Variants in PSD3 observed in about 807,000 individuals in gnomAD.
PSD3 encodes pleckstrin and Sec7 domain containing 3, also known as PH and SEC7 domain-containing protein 3.
PSD3 carries 49 observed loss-of-function variants against 105.5 expected under a neutral mutation model. That is an observed-to-expected ratio of 0.46 (90% CI 0.37 to 0.59). The LOEUF (loss-of-function observed/expected upper bound fraction) is 0.59, where lower values mean the gene tolerates loss of function less well. Among genes scored for constraint, PSD3 ranks in the 20% least tolerant of loss-of-function variants. The pLI, the probability that PSD3 is intolerant of heterozygous loss-of-function variation, is 0.00. For missense variants in PSD3, 1,561 were observed against 1,263.8 expected (o/e 1.24, Z -3.57); for synonymous variants, 557 against 457.8 (o/e 1.22, Z -2.77).
intron 11 of PSD3, among the ~76,000 whole-genome samples, chr8:18,631,903 T>G (rs1331520811): frequency 6.6e-6 from 1 of 152,016 alleles, no homozygotes. Flanking sequence ...TGAGCAAACA[T>G]GTCACCTTAT....
intron 4 of PSD3, among the ~76,000 whole-genome samples, chr8:18,841,467 AACACACAC>A (rs35771611): frequency 2.6e-4 from 38 of 148,240 alleles, no homozygotes; most frequent in South Asian, 1.3e-3. Context: ...CTGCTATTTA[AACACACAC>A]ACACACACAC....
intron 8 of PSD3, among the ~76,000 whole-genome samples, chr8:18,771,036 A>T (rs996388716): frequency 6.6e-6 from 1 of 152,204 alleles, no homozygotes; most frequent in Non-Finnish European, 1.5e-5. Context: ...TCTTCTCAGA[A>T]GTTATGCTGT....
At chr8:18,838,923 T>G (rs191072585) in intron 4 of PSD3, among the ~76,000 whole-genome samples, 1 of 151,616 alleles carries the variant, frequency 6.6e-6, no homozygotes, top group Non-Finnish European at 1.5e-5. Flanking sequence ...TGCCACTAGG[T>G]CTTATTTGTT....
At chr8:18,668,743 T>C (rs1799620687) in intron 9 of PSD3, among the ~76,000 whole-genome samples, 1 of 152,228 alleles carries the variant, frequency 6.6e-6, no homozygotes, top group Non-Finnish European at 1.5e-5. Context: ...GTCAGTATTA[T>C]GTGTATTGTT....
At chr8:18,563,571 T>C (rs1039063712) in intron 14 of PSD3, among the ~76,000 whole-genome samples, 9 of 152,196 alleles carry the variant, frequency 5.9e-5, no homozygotes, top group African/African-American at 2.4e-5. Flanking sequence ...ATCCAAAAGA[T>C]TGTTTCATAA....
intron 4 of PSD3, among the ~76,000 whole-genome samples, chr8:18,842,290 C>T (rs561145265): frequency 1.2e-4 from 19 of 152,322 alleles, no homozygotes; most frequent in African/African-American, 2.6e-4. Flanking sequence ...GTTCCAAAGT[C>T]TACATGGCAT....
intron 1 of PSD3, among the ~76,000 whole-genome samples, chr8:18,937,312 A>G (rs1217247680): frequency 1.3e-5 from 2 of 152,322 alleles, no homozygotes; most frequent in East Asian, 3.9e-4. Flanking sequence ...ACTGGTTTCT[A>G]CCCACTGGTT....
chr8:18,562,545 C>T (rs988414759), intron 14 of PSD3, among the ~76,000 whole-genome samples: 2 of 152,166 alleles, frequency 1.3e-5, no homozygotes, highest in East Asian at 3.9e-4. Context: ...AGCTCTCAAA[C>T]GTGCAGGCTG....
At position 18,865,255 on chromosome 8, in the gene PSD3, TATATATATATATATATATATATATA is replaced by T. The variant is rs1816782775; in HGVS notation, c.1634+2394_1634+2418del. ...ATATATATATATATATATATATATA[TATATATATATATATATATATATATA>T]TATATATTTTTTTTTTTTTTTTTTT... is the stretch of plus-strand genomic sequence containing the variant. On this transcript the variant is annotated intron_variant, in intron 4 of 15. Coordinates refer to ENST00000327040, the MANE Select transcript of PSD3 (RefSeq NM_015310.4). 6 of 3,836 alleles carry T rather than the reference TATATATATATATATATATATATATA, an allele frequency of 1.6e-3. 1 individual carries two copies. Among genetic ancestry groups the T allele is most frequent in the East Asian group, 0.019 (2 of 104 alleles). 0.2% of individuals were successfully genotyped at this position (3,836 alleles called of 1,614,324 possible).
At chr8:18,653,293 T>G (rs1043382045) in intron 10 of PSD3, among the ~76,000 whole-genome samples, 3 of 151,904 alleles carry the variant, frequency 2.0e-5, no homozygotes, top group Non-Finnish European at 2.9e-5. Context: ...TATAGTGTCT[T>G]CTTCTAATTC....
At chr8:18,827,955 G>C (rs1237501703) in intron 4 of PSD3, among the ~76,000 whole-genome samples, 1 of 146,224 alleles carries the variant, frequency 6.8e-6, no homozygotes, top group South Asian at 2.1e-4. Flanking sequence ...GCAAAAGCTA[G>C]TATTTCACAA....
At chr8:18,943,337 T>C (rs77206713) in intron 1 of PSD3, among the ~76,000 whole-genome samples, 17,824 of 152,258 alleles carry the variant, frequency 0.12, 1,381 homozygotes, top group Non-Finnish European at 0.18. Context: ...CTGGGTAAGA[T>C]GGCAAAATAA....
At chr8:18,915,883 G>A (rs1404131001) in intron 2 of PSD3, among the ~76,000 whole-genome samples, 2 of 151,994 alleles carry the variant, frequency 1.3e-5, no homozygotes, top group Non-Finnish European at 2.9e-5. Flanking sequence ...ATCACCTGAG[G>A]TTGGGAGTTA....
chr8:18,741,431 T>C (rs1804565558), intron 9 of PSD3, among the ~76,000 whole-genome samples: 1 of 152,194 alleles, frequency 6.6e-6, no homozygotes, highest in Admixed American at 6.5e-5. Flanking sequence ...GATCTCAACT[T>C]TACAACAGTG....
chr8:18,945,172 T>C (rs1271551231), intron 1 of PSD3, among the ~76,000 whole-genome samples: 1 of 152,236 alleles, frequency 6.6e-6, no homozygotes, highest in African/African-American at 2.4e-5. Flanking sequence ...CTCTGGAACC[T>C]GTGAATGTCA....
intron 1 of PSD3, among the ~76,000 whole-genome samples, chr8:18,950,267 A>G (rs1178121113): frequency 6.6e-6 from 1 of 152,262 alleles, no homozygotes; most frequent in Non-Finnish European, 1.5e-5. Context: ...ACAGAAGCAT[A>G]TTAAAAGTGG....
intron 4 of PSD3, among the ~76,000 whole-genome samples, chr8:18,845,486 G>A (rs1471281249): frequency 1.3e-5 from 2 of 152,180 alleles, no homozygotes; most frequent in Non-Finnish European, 2.9e-5. Context: ...CGGAAGACAG[G>A]TGCGTCCACA....
chr8:19,023,930 T>G (rs1371657548), intron 1 of PSD3, among the ~76,000 whole-genome samples: 1 of 152,228 alleles, frequency 6.6e-6, no homozygotes, highest in Non-Finnish European at 1.5e-5. Flanking sequence ...CACAGCACTA[T>G]GCACTGTACT....
At chr8:18,826,460 A>G (rs540158624) in intron 4 of PSD3, among the ~76,000 whole-genome samples, 2 of 152,340 alleles carry the variant, frequency 1.3e-5, no homozygotes, top group Non-Finnish European at 2.9e-5. Context: ...CCAACTTACT[A>G]TATGGCTCAT....
Sources: allele counts gnomAD v4.1 joint callset (sites outside exome capture counted in the v4.1 genomes callset), GRCh38; gene constraint gnomAD v4.1.1; transcripts MANE v1.5; gene names NCBI Gene and HGNC (gene_info 2026-07-23, HGNC 2026-07-21).